MYO1H: variants seen among roughly 807,000 people sequenced by gnomAD.
MYO1H encodes the protein myosin IH.
Under a neutral mutation model 149.3 loss-of-function variants are expected in MYO1H, and 118 were observed. The ratio of observed to expected loss-of-function variants is 0.79; its 90% CI spans 0.68 to 0.92. The LOEUF (loss-of-function observed/expected upper bound fraction) is 0.92. Among genes scored for constraint, MYO1H ranks in the 40% least tolerant of loss-of-function variants. The pLI, the probability that MYO1H is intolerant of heterozygous loss-of-function variation, is 0.00. For missense variants in MYO1H, 1,212 were observed against 1,280.7 expected (o/e 0.95, Z 0.82); for synonymous variants, 447 against 465.2 (o/e 0.96, Z 0.50).
Position 109,436,511 on chromosome 12 carries a change from A to G in MYO1H, c.2164A>G (p.Lys722Glu), listed in dbSNP as rs1361784026. Residue 722 changes from lysine (K) to glutamate (E), a missense_variant, in exon 22 of 32, where the codon AAA becomes GAA. Transcript: ENST00000310903. ...AGTTGCAAGAATCCAAGCCACTTAC[A>G]AACGCTGCCTAGGAAGGAGAGAATA... 4 of 1,611,614 alleles carry G rather than the reference A, an allele frequency of 2.5e-6. No individual in the cohort carries two copies. In the Admixed American group the frequency reaches 5.0e-5, roughly 20 times the overall value.
intron 14 of MYO1H, among the ~76,000 whole-genome samples, chr12:109,412,425 T>C (rs1312361937): frequency 6.6e-6 from 1 of 152,206 alleles, no homozygotes; most frequent in Non-Finnish European, 1.5e-5. Context: ...CCCAAAGTGC[T>C]GGGATTACTG....
intron 15 of MYO1H, among the ~76,000 whole-genome samples, chr12:109,419,106 G>T (rs371101003): frequency 1.3e-5 from 2 of 152,102 alleles, no homozygotes; most frequent in Admixed American, 6.6e-5. Context: ...TGTCTCCTTT[G>T]GGGGGACCAC....
chr12:109,331,999 G>C, the MYO1H span, among the ~76,000 whole-genome samples: 1 of 152,090 alleles, frequency 6.6e-6, no homozygotes, highest in Non-Finnish European at 1.5e-5. Flanking sequence ...ATTTGAGCAC[G>C]GGAATAATGT....
intron 1 of MYO1H, among the ~76,000 whole-genome samples, chr12:109,385,522 G>A (rs1869286774): frequency 1.3e-5 from 2 of 152,008 alleles, no homozygotes; most frequent in African/African-American, 4.8e-5. Context: ...CAAACTCCTG[G>A]GCTCAAGTGA....
intron 2 of MYO1H, among the ~76,000 whole-genome samples, chr12:109,390,657 T>C (rs1869606152): frequency 6.6e-6 from 1 of 150,940 alleles, no homozygotes; most frequent in Non-Finnish European, 1.5e-5. Context: ...CCTGTTTTCT[T>C]GTTTGTTTGT....
At chr12:109,320,194 G>T in the MYO1H span, among the ~76,000 whole-genome samples, 3 of 151,850 alleles carry the variant, frequency 2.0e-5, no homozygotes, top group Admixed American at 2.0e-4. Flanking sequence ...GGTTCCTGTA[G>T]TCCCAGCTGC....
At chr12:109,388,897 C>T in intron 2 of MYO1H, 53 bp downstream of exon 2, 1 of 1,546,262 alleles carries the variant, frequency 6.5e-7, no homozygotes, top group Non-Finnish European at 8.8e-7. Context: ...TCCCTTCTTG[C>T]CTTCACGACT....
At chr12:109,438,247 T>C (rs181861449) in intron 22 of MYO1H, among the ~76,000 whole-genome samples, 26 of 152,220 alleles carry the variant, frequency 1.7e-4, no homozygotes, top group Admixed American at 1.2e-3. Context: ...ACAAGTGCCA[T>C]TGCTGTGGCT....
chr12:109,448,112 C>T (rs904738544), exon 32 of MYO1H: 6 of 151,384 alleles, frequency 4.0e-5, no homozygotes, highest in African/African-American at 1.2e-4. Flanking sequence ...ATTAAATATA[C>T]GTGTAGCTCA....
At chr12:109,324,294 T>C in the MYO1H span, among the ~76,000 whole-genome samples, 3 of 152,184 alleles carry the variant, frequency 2.0e-5, no homozygotes, top group Admixed American at 2.0e-4. Flanking sequence ...GTCTTTAATC[T>C]AGCCCCGGAA....
upstream of MYO1H, among the ~76,000 whole-genome samples, chr12:109,344,341 G>T (rs984557669): frequency 6.6e-6 from 1 of 152,078 alleles, no homozygotes; most frequent in Non-Finnish European, 1.5e-5. Context: ...CTATATTTTT[G>T]TATGCTGGCA....
chr12:109,325,506 T>C, the MYO1H span, among the ~76,000 whole-genome samples: 5 of 152,176 alleles, frequency 3.3e-5, no homozygotes, highest in Admixed American at 2.6e-4. Context: ...GGCAATACCA[T>C]TCAGGACATA....
chr12:109,415,008 G>A (rs1204569458), intron 14 of MYO1H, among the ~76,000 whole-genome samples: 5 of 152,032 alleles, frequency 3.3e-5, no homozygotes, highest in Non-Finnish European at 7.4e-5. Flanking sequence ...CACCATGCCC[G>A]GCCAAAGGAT....
At chr12:109,404,664 TAA>T in intron 7 of MYO1H, among the ~76,000 whole-genome samples, 1 of 152,210 alleles carries the variant, frequency 6.6e-6, no homozygotes. Context: ...CTGGCAACTC[TAA>T]GTTTTCCTAA....
At chr12:109,404,422 C>T (rs928076829) in intron 7 of MYO1H, among the ~76,000 whole-genome samples, 1 of 152,188 alleles carries the variant, frequency 6.6e-6, no homozygotes, top group African/African-American at 2.4e-5. Flanking sequence ...ATGGAGGTTG[C>T]AATGAGCCGA....
intron 2 of MYO1H, among the ~76,000 whole-genome samples, chr12:109,390,537 G>C (rs762796342): frequency 3.3e-5 from 5 of 151,872 alleles, no homozygotes; most frequent in Non-Finnish European, 5.9e-5. Context: ...ATATAAGTAA[G>C]TACTTGAAAA....
chr12:109,387,455 C>G (rs1464307887), intron 1 of MYO1H, among the ~76,000 whole-genome samples: 1 of 152,208 alleles, frequency 6.6e-6, no homozygotes, highest in Non-Finnish European at 1.5e-5. Context: ...TATTGCCTCT[C>G]AGATCCAAAT....
intron 14 of MYO1H, among the ~76,000 whole-genome samples, 151 bp downstream of exon 14, chr12:109,412,136 T>C (rs1446217022): frequency 1.3e-5 from 2 of 152,138 alleles, no homozygotes; most frequent in African/African-American, 4.8e-5. Flanking sequence ...CAGACCTTTG[T>C]TAGTAGAAAT....
exon 24 of MYO1H, chr12:109,439,663 C>T: frequency 6.2e-7 from 1 of 1,613,314 alleles, no homozygotes; most frequent in Non-Finnish European, 8.5e-7. Flanking sequence ...CGCAACAAAC[C>T]CCTCTGTCCT....
Sources: allele counts gnomAD v4.1 joint callset (sites outside exome capture counted in the v4.1 genomes callset), GRCh38; gene constraint gnomAD v4.1.1; transcripts MANE v1.5; gene names NCBI Gene and HGNC (gene_info 2026-07-23, HGNC 2026-07-21).